P2RX1: variants seen among roughly 807,000 people sequenced by gnomAD.
P2RX1 encodes the protein purinergic receptor P2X 1.
P2RX1 carries 42 observed loss-of-function variants against 50.3 expected under a neutral mutation model. That is an observed-to-expected ratio of 0.83 (90% confidence interval 0.65 to 1.08). The LOEUF (loss-of-function observed/expected upper bound fraction) is 1.08. Ranked by LOEUF, P2RX1 falls within the 50% of genes least tolerant of loss-of-function variation. P2RX1 has a pLI of 0.00. For synonymous variants in P2RX1, 199 were observed against 202.6 expected (o/e 0.98, Z 0.15); for missense variants, 449 against 529.0 (o/e 0.85, Z 1.48).
intron 1 of P2RX1, among the ~76,000 whole-genome samples, chr17:3,909,571 G>A (rs866503790): frequency 4.6e-5 from 7 of 152,122 alleles, no homozygotes; most frequent in Non-Finnish European, 1.0e-4. Flanking sequence ...CATGAGCCGG[G>A]TGTGGTGGCT....
At chr17:3,907,787 G>C (rs1371899464) in intron 1 of P2RX1, among the ~76,000 whole-genome samples, 1 of 152,084 alleles carries the variant, frequency 6.6e-6, no homozygotes, top group South Asian at 2.1e-4. Context: ...GAGAGCAAGA[G>C]CATTGCCCAT....
At chr17:3,900,642 C>T (rs887388) in intron 7 of P2RX1, among the ~76,000 whole-genome samples, 17,380 of 152,140 alleles carry the variant, frequency 0.11, 1,035 homozygotes, top group South Asian at 0.19. Flanking sequence ...AACCCAGATA[C>T]GTCCTTGTTA....
chr17:3,910,826 G>T (rs1422760859), intron 1 of P2RX1, among the ~76,000 whole-genome samples: 1 of 152,212 alleles, frequency 6.6e-6, no homozygotes, highest in Non-Finnish European at 1.5e-5. Flanking sequence ...TTGAGTGCAG[G>T]ATCTTGGTTT....
intron 1 of P2RX1, among the ~76,000 whole-genome samples, chr17:3,913,862 G>GA (rs34281842): frequency 6.7e-5 from 10 of 149,278 alleles, no homozygotes; most frequent in South Asian, 2.1e-4. Context: ...TGCACTCTTG[G>GA]GGGGGGTGGT....
At position 3,909,188 on chromosome 17, in the gene P2RX1, G is replaced by A. The variant is rs373429461; in HGVS notation, c.138-3821C>T. 1.7e-4 allele frequency among the ~76,000 whole-genome samples: 26 copies of A among 152,092 alleles called. 1 individual carries two copies. The highest frequency in any genetic ancestry group is 5.5e-4 in the African/African-American group (23 of 41,514). On this transcript the variant is annotated intron_variant, in intron 1 of 11. Transcript: ENST00000225538. Reference sequence around the variant, plus strand: ...TGGGACTACGGGCGCGCCCCACCACGCCCGGCTAATTTTTTTTATTTTTAG... The same window carrying A: ...TGGGACTACGGGCGCGCCCCACCACACCCGGCTAATTTTTTTTATTTTTAG...
chr17:3,903,976 C>T lies in P2RX1; in HGVS notation c.476G>A (p.Cys159Tyr), dbSNP rs2056206715. The T allele has an allele frequency of 1.2e-6, 2 of 1,614,054 alleles. No homozygotes were observed. The highest frequency in any genetic ancestry group is 1.7e-5 in the Admixed American group (1 of 60,010). ...CVAFNDTVKT[C>Y]EIFGWCPVEV... is the part of the protein sequence containing the mutation. ...CACGGGGCACCAGCCAAAGATCTCA[C>T]ACGTCTTCACAGTGTCGTTGAAGGC... The change falls in exon 5 of 12, where the codon TGT (cysteine) becomes TAT (tyrosine). Residue 159 changes from cysteine (C) to tyrosine (Y), a missense_variant. Physicochemically the swap from Cys to Tyr is radical, Grantham distance 194 (BLOSUM62 -2). Transcript: ENST00000225538. This position sits in a 1 kb window ranked among gnomAD's most constrained non-coding sequence, Gnocchi z 4.6.
In P2RX1 at chr17:3,899,818, C is replaced by T. The variant is rs150438143; in HGVS notation, c.748-57G>A. 782 of 1,599,226 alleles carry T rather than the reference C, an allele frequency of 4.9e-4. 6 individuals carry two copies. The East Asian group carries it at 0.014, about 30-fold the overall frequency. On this transcript the variant is annotated intron_variant, in intron 7 of 11. Transcript: ENST00000225538. The stretch of plus-strand genomic sequence containing the variant: ...ATTTCAGGATCAAAAACCCCTGTCT[C>T]AGCCGGGCGCAGTGGCTCACACCTG...
intron 3 of P2RX1, 158 bp downstream of exon 3, chr17:3,904,699 GT>G: frequency 1.5e-6 from 1 of 668,810 alleles, no homozygotes; most frequent in Non-Finnish European, 2.7e-6. Flanking sequence ...CTCTGCAAGG[GT>G]TGACAGTTGC....
At position 3,901,885 on chromosome 17, in the gene P2RX1, C is replaced by T. The variant is rs188383153; in HGVS notation, c.747+1317G>A. Among the ~76,000 whole-genome samples, 1,176 of 152,254 alleles carry T rather than the reference C, an allele frequency of 7.7e-3. 6 individuals carry two copies. Among genetic ancestry groups the T allele is most frequent in the Non-Finnish European group, 0.013 (883 of 68,020 alleles). ...AACTCACTTGACCCTCGGGGCGACCCCACGAGACTGGCACCATTATTGCCC... is the reference window on the plus strand; with the variant it reads ...AACTCACTTGACCCTCGGGGCGACCTCACGAGACTGGCACCATTATTGCCC... On this transcript the variant is annotated intron_variant, in intron 7 of 11. Transcript: ENST00000225538.
chr17:3,897,946 C>A (rs2056062524), intron 11 of P2RX1, 63 bp downstream of exon 11: 3 of 1,608,716 alleles, frequency 1.9e-6, no homozygotes, highest in Admixed American at 1.7e-5. Flanking sequence ...CCACGCCCCC[C>A]ACCCCAACAC....
chr17:3,900,643 G>A (rs940529079), intron 7 of P2RX1, among the ~76,000 whole-genome samples: 5 of 152,024 alleles, frequency 3.3e-5, no homozygotes, highest in South Asian at 2.1e-4. Flanking sequence ...ACCCAGATAC[G>A]TCCTTGTTAT....
intron 1 of P2RX1, chr17:3,915,702 G>A (rs765466531): frequency 3.2e-5 from 15 of 471,108 alleles, no homozygotes; most frequent in South Asian, 1.2e-4. Flanking sequence ...GGTGACGGGT[G>A]TGGGGTATGG....
chr17:3,897,813 A>T lies in P2RX1; in HGVS notation c.*1T>A, dbSNP rs766078695. The T allele has an allele frequency of 6.2e-7, 1 of 1,612,722 alleles. No individual in the cohort carries two copies. The highest frequency in any genetic ancestry group is 8.5e-7 in the Non-Finnish European group (1 of 1,179,892). On this transcript the variant is annotated 3_prime_UTR_variant, in exon 12 of 12. Transcript: ENST00000225538. ...CCCAGTCAGGAGTTGGGGCCCGAGC[A>T]TCAGGATGTCCTCATGTTCTCCTGC... is the stretch of plus-strand genomic sequence containing the variant.
chr17:3,903,759 G>C lies in P2RX1; in HGVS notation c.525-128C>G. ...GCCTGCAGCCCTGGGCTGGTGGAGG[G>C]GTGGGTGTGCTCTAGCGTGGCCAGG... On this transcript the variant is annotated intron_variant, in intron 5 of 11. Coordinates refer to ENST00000225538, the MANE Select transcript of P2RX1 (RefSeq NM_002558.4). This position sits in a 1 kb window ranked among gnomAD's most constrained non-coding sequence, Gnocchi z 4.6. 2 of 1,144,600 alleles carry C rather than the reference G, an allele frequency of 1.7e-6. No individual in the cohort carries two copies. Among genetic ancestry groups the C allele is most frequent in the South Asian group, 1.2e-5 (1 of 80,134 alleles). 70.9% of individuals were successfully genotyped at this position (1,144,600 alleles called of 1,614,324 possible).
In P2RX1 at chr17:3,899,721, A is replaced by C; in HGVS notation, c.788T>G (p.Leu263Arg). 1.9e-6 allele frequency: 3 copies of C among 1,614,002 alleles called. No homozygotes were observed. Among genetic ancestry groups the C allele is most frequent in the Non-Finnish European group, 2.5e-6 (3 of 1,179,892 alleles). Residue 263 changes from leucine (L) to arginine (R), a missense_variant, in exon 8 of 12, where the codon CTG (leucine) becomes CGG (arginine). Coordinates refer to ENST00000225538, the MANE Select transcript of P2RX1 (RefSeq NM_002558.4). ...VGITIDWHCD[L>R]DWHVRHCRPI... ...TCTGCAGTGCCGTACGTGCCAGTCC[A>C]GGTCACAGTGCCAGTCGATGGTGAT...
chr17:3,911,845 G>A (rs1040583863), intron 1 of P2RX1, among the ~76,000 whole-genome samples: 3 of 152,220 alleles, frequency 2.0e-5, no homozygotes, highest in Non-Finnish European at 4.4e-5. Context: ...GAGCCTGGAA[G>A]GGTGGGCACG....
chr17:3,904,769 G>T (rs549217412), intron 3 of P2RX1, 89 bp downstream of exon 3: 3 of 1,023,554 alleles, frequency 2.9e-6, no homozygotes, highest in African/African-American at 1.6e-5. Context: ...AGCCTCTCTG[G>T]CTTCCCCTCC....
chr17:3,899,693 G>A lies in P2RX1; in HGVS notation c.816C>T (p.Pro272=). Residue 272 remains proline (P), a synonymous_variant, in exon 8 of 12, where the codon CCC becomes CCT. Coordinates refer to ENST00000225538, the MANE Select transcript of P2RX1 (RefSeq NM_002558.4). ...DLDWHVRHCR[P]IYEFHGLYEE... Reference sequence around the variant, plus strand: ...CGTACAGCCCATGGAACTCATAGATGGGTCTGCAGTGCCGTACGTGCCAGT... The same window carrying A: ...CGTACAGCCCATGGAACTCATAGATAGGTCTGCAGTGCCGTACGTGCCAGT... 1 of 1,614,042 alleles carries A rather than the reference G, an allele frequency of 6.2e-7. No homozygotes were observed. The highest frequency in any genetic ancestry group is 8.5e-7 in the Non-Finnish European group (1 of 1,179,950).
intron 1 of P2RX1, chr17:3,915,207 CTG>C: frequency 2.9e-6 from 1 of 345,504 alleles, no homozygotes; most frequent in South Asian, 2.2e-5. Context: ...TGCAGAGTCA[CTG>C]TGAGTGGACA....
Sources: gnomAD v4.1 joint callset for allele counts (sites outside exome capture counted in the v4.1 genomes callset) on GRCh38, gnomAD v4.1.1 for gene constraint, Gnocchi (gnomAD v3.1) non-coding constraint, MANE v1.5 for transcripts, NCBI Gene and HGNC (gene_info 2026-07-23, HGNC 2026-07-21) for gene names.